The following KCTD8 variants were observed in gnomAD, a reference collection of about 807,000 sequenced individuals.
KCTD8 encodes potassium channel tetramerization domain containing 8.
A neutral mutation model predicts 31.5 loss-of-function variants in KCTD8; 27 were observed. That is an observed-to-expected ratio of 0.86 (90% CI 0.63 to 1.18). The LOEUF is 1.18. Ranked by LOEUF, KCTD8 falls within the 50% of genes most tolerant of loss-of-function variation. KCTD8 has a pLI of 0.00. For synonymous variants in KCTD8, 290 were observed against 280.0 expected, an observed-to-expected ratio of 1.04 and a Z score of -0.36; for missense variants, 658 against 647.7, an observed-to-expected ratio of 1.02 and a Z score of -0.17.
In KCTD8 at chr4:44,433,675, A is replaced by G. The variant is rs369388326; in HGVS notation, c.961+13888T>C. 2.0e-5 allele frequency among the ~76,000 whole-genome samples: 3 copies of G among 151,774 alleles called. No individual in the cohort carries two copies. In the East Asian group the frequency reaches 5.8e-4, roughly 29 times the overall value. ...AATATCATTCATCTTTTATTTGGCCAGCCAGTTGACATGGAGATTAGACTG... is the reference window on the plus strand; with the variant it reads ...AATATCATTCATCTTTTATTTGGCCGGCCAGTTGACATGGAGATTAGACTG... On this transcript the variant is annotated intron_variant, in intron 1 of 1. Coordinates refer to ENST00000360029, the MANE Select transcript of KCTD8 (RefSeq NM_198353.3).
intron 1 of KCTD8, among the ~76,000 whole-genome samples, chr4:44,255,137 C>A (rs1408447840): frequency 1.3e-5 from 2 of 151,840 alleles, no homozygotes; most frequent in Non-Finnish European, 2.9e-5. Flanking sequence ...TGATGATAAA[C>A]GTCTTTTTTT....
At chr4:44,381,725 T>A (rs560200299) in intron 1 of KCTD8, among the ~76,000 whole-genome samples, 1 of 152,124 alleles carries the variant, frequency 6.6e-6, no homozygotes, top group South Asian at 2.1e-4. Context: ...GTTCTCACTC[T>A]GAGATCTGGT....
chr4:44,199,460 G>A (rs751037286), intron 1 of KCTD8, among the ~76,000 whole-genome samples: 1 of 151,896 alleles, frequency 6.6e-6, no homozygotes, highest in Non-Finnish European at 1.5e-5. Context: ...GCATACCCTT[G>A]GACCACAGGG....
chr4:44,194,360 T>C (rs552097534), intron 1 of KCTD8, among the ~76,000 whole-genome samples: 2 of 152,310 alleles, frequency 1.3e-5, no homozygotes, highest in South Asian at 4.1e-4. Flanking sequence ...AAGTAAAAGA[T>C]CATGAAATGC....
intron 1 of KCTD8, among the ~76,000 whole-genome samples, chr4:44,202,615 G>A (rs1714183694): frequency 6.6e-6 from 1 of 151,914 alleles, no homozygotes; most frequent in Non-Finnish European, 1.5e-5. Flanking sequence ...AATAGACACT[G>A]GAAACTACTA....
At chr4:44,388,290 C>CAG (rs1720275665) in intron 1 of KCTD8, among the ~76,000 whole-genome samples, 1 of 151,726 alleles carries the variant, frequency 6.6e-6, no homozygotes, top group Non-Finnish European at 1.5e-5. Flanking sequence ...TCGTGGAAGA[C>CAG]TGTGATGATT....
At chr4:44,336,663 G>A (rs1718754051) in intron 1 of KCTD8, among the ~76,000 whole-genome samples, 1 of 151,840 alleles carries the variant, frequency 6.6e-6, no homozygotes, top group African/African-American at 2.4e-5. Flanking sequence ...TTAAATGTCC[G>A]GGAAGATAAT....
chr4:44,382,314 C>T (rs1038254598), intron 1 of KCTD8, among the ~76,000 whole-genome samples: 2 of 151,962 alleles, frequency 1.3e-5, no homozygotes, highest in African/African-American at 2.4e-5. Context: ...TTCATGAAAA[C>T]AGCTCTCAAC....
chr4:44,218,163 T>A (rs1714705081), intron 1 of KCTD8, among the ~76,000 whole-genome samples: 1 of 141,544 alleles, frequency 7.1e-6, no homozygotes, highest in African/African-American at 2.7e-5. Flanking sequence ...AGATGGCGTC[T>A]TGCTCTGTCA....
intron 1 of KCTD8, among the ~76,000 whole-genome samples, chr4:44,208,302 A>C (rs887567058): frequency 2.0e-5 from 3 of 152,158 alleles, no homozygotes; most frequent in African/African-American, 4.8e-5. Context: ...GTCACATCTA[A>C]CATCTGCCCC....
chr4:44,448,317 A>G lies in KCTD8; in HGVS notation c.207T>C (p.Thr69=), dbSNP rs987851561. 1.2e-6 allele frequency: 2 copies of G among 1,603,722 alleles called. No individual in the cohort carries two copies. The highest frequency in any genetic ancestry group is 1.1e-5 in the South Asian group (1 of 90,422). ...HSTLLSVPDS[T]LASMFSPSSP... is the part of the protein sequence containing the mutation. ...TAGAGGGCGAGAACATGCTGGCCAA[A>G]GTACTGTCCGGGACGCTGAGCAGCG... Residue 69 remains threonine (T), a synonymous_variant, in exon 1 of 2, where the codon ACT becomes ACC. Coordinates refer to ENST00000360029, the MANE Select transcript of KCTD8 (RefSeq NM_198353.3). This position sits in a 1 kb window ranked among gnomAD's most constrained non-coding sequence, Gnocchi z 4.1.
At chr4:44,302,924 A>G (rs2109393557) in intron 1 of KCTD8, among the ~76,000 whole-genome samples, 1 of 152,232 alleles carries the variant, frequency 6.6e-6, no homozygotes, top group African/African-American at 2.4e-5. Flanking sequence ...AGTTTTTAGC[A>G]TGAAGGGTTG....
chr4:44,414,421 T>C (rs554832350), intron 1 of KCTD8, among the ~76,000 whole-genome samples: 2 of 152,268 alleles, frequency 1.3e-5, no homozygotes, highest in African/African-American at 4.8e-5. Context: ...ATTTCCAGGA[T>C]GCAAAATAGG....
At chr4:44,184,312 G>A (rs77880731) in intron 1 of KCTD8, among the ~76,000 whole-genome samples, 2 of 152,214 alleles carry the variant, frequency 1.3e-5, no homozygotes, top group South Asian at 2.1e-4. Flanking sequence ...TCATCTTAGA[G>A]TTGAAGACAA....
chr4:44,387,291 T>C (rs963057485), intron 1 of KCTD8, among the ~76,000 whole-genome samples: 2 of 151,864 alleles, frequency 1.3e-5, no homozygotes, highest in African/African-American at 2.4e-5. Context: ...AAAATGTCCA[T>C]ACTGCCCAAA....
rs546205329 is a variant in KCTD8 at position 44,406,316 on chromosome 4, T to C, written c.961+41247A>G. On this transcript the variant is annotated intron_variant, in intron 1 of 1. Transcript: ENST00000360029. ...AAAACATGACTCTTCTCTTTTGATA[T>C]GCTTTGGCTCTGTGTCCCCACCCAA... Among the ~76,000 whole-genome samples the C allele has an allele frequency of 6.9e-4, 105 of 152,310 alleles. No individual in the cohort carries two copies. In the South Asian group the frequency reaches 0.021, roughly 30 times the overall value.
chr4:44,379,240 A>G (rs889051380), intron 1 of KCTD8, among the ~76,000 whole-genome samples: 1 of 152,106 alleles, frequency 6.6e-6, no homozygotes, highest in Non-Finnish European at 1.5e-5. Flanking sequence ...CCAGGGGGCA[A>G]TTGTTTTTAT....
intron 1 of KCTD8, among the ~76,000 whole-genome samples, chr4:44,199,397 G>C (rs538668620): frequency 6.6e-5 from 10 of 151,938 alleles, no homozygotes; most frequent in Non-Finnish European, 1.3e-4. Flanking sequence ...TCAACCACAT[G>C]TTCGGCCATA....
chr4:44,232,171 A>T (rs1032224250), intron 1 of KCTD8, among the ~76,000 whole-genome samples: 1 of 152,164 alleles, frequency 6.6e-6, no homozygotes, highest in African/African-American at 2.4e-5. Context: ...GCATTTTCAG[A>T]AACAATAATT....
Sources: allele counts gnomAD v4.1 joint callset (sites outside exome capture counted in the v4.1 genomes callset), GRCh38; gene constraint gnomAD v4.1.1; non-coding constraint Gnocchi (gnomAD v3.1); transcripts MANE v1.5; gene names NCBI Gene and HGNC (gene_info 2026-07-23, HGNC 2026-07-21).